DCC: variants seen among roughly 807,000 people sequenced by gnomAD.
DCC encodes the protein netrin receptor DCC.
Under a neutral mutation model 172.5 loss-of-function variants are expected in DCC, and 58 were observed. That is an observed-to-expected ratio of 0.34 (90% confidence interval 0.27 to 0.42). The LOEUF (loss-of-function observed/expected upper bound fraction) is 0.42. Among genes scored for constraint, DCC ranks in the 10% least tolerant of loss-of-function variants. DCC has a pLI of 1.00. For synonymous variants in DCC, 709 were observed against 644.5 expected (o/e 1.10, Z -1.52); for missense variants, 1,740 against 1,791.0 (o/e 0.97, Z 0.51).
chr18:53,526,731 G>T lies in DCC; in HGVS notation c.4226G>T (p.Ser1409Ile). The T allele has an allele frequency of 6.2e-7, 1 of 1,613,426 alleles. No individual in the cohort carries two copies. Among genetic ancestry groups the T allele is most frequent in the Non-Finnish European group, 8.5e-7 (1 of 1,179,636 alleles). The change falls in exon 28 of 29, where the codon AGC (serine) becomes ATC (isoleucine). Residue 1409 changes from serine (S) to isoleucine (I), a missense_variant. Transcript: ENST00000442544. ...ACAGCCCCTGAAGTGTCTGAGGAGA[G>T]CCACAAACCAACAGAGGATTCAGCC... ...VPTAPEVSEE[S>I]HKPTEDSANV...
chr18:52,613,760 G>A (rs1233659092), intron 1 of DCC, among the ~76,000 whole-genome samples: 1 of 152,014 alleles, frequency 6.6e-6, no homozygotes, highest in Non-Finnish European at 1.5e-5. Context: ...TTGTTATAGT[G>A]GTGAACTTTT....
At chr18:53,462,841 G>A (rs1391418884) in intron 24 of DCC, among the ~76,000 whole-genome samples, 3 of 152,152 alleles carry the variant, frequency 2.0e-5, no homozygotes, top group African/African-American at 7.2e-5. Context: ...CAAGGGGACT[G>A]AAGCCCAGCC....
intron 7 of DCC, among the ~76,000 whole-genome samples, chr18:53,136,416 A>G (rs2043743693): frequency 6.6e-6 from 1 of 152,152 alleles, no homozygotes; most frequent in Non-Finnish European, 1.5e-5. Context: ...GGAGATTTCT[A>G]AAGTATTGAG....
chr18:52,986,827 CAT>C (rs950037082), intron 5 of DCC, among the ~76,000 whole-genome samples: 4 of 128,294 alleles, frequency 3.1e-5, no homozygotes, highest in Admixed American at 1.5e-4. Context: ...CACACACACA[CAT>C]ATACATACAC....
At chr18:52,784,951 C>CAG (rs925218545) in intron 2 of DCC, among the ~76,000 whole-genome samples, 10 of 126,850 alleles carry the variant, frequency 7.9e-5, no homozygotes, top group African/African-American at 1.9e-4. Context: ...GAGAGAGAGA[C>CAG]AGAGAGAGAG....
intron 17 of DCC, among the ~76,000 whole-genome samples, 153 bp from the exon 18 acceptor site, chr18:53,397,155 A>G (rs753514368): frequency 1.5e-4 from 23 of 151,994 alleles, no homozygotes; most frequent in Non-Finnish European, 2.9e-4. Context: ...TGGTTAATAG[A>G]TGGGAATTCG....
At chr18:52,944,320 G>A (rs2040508035) in intron 5 of DCC, among the ~76,000 whole-genome samples, 4 of 152,176 alleles carry the variant, frequency 2.6e-5, no homozygotes, top group Admixed American at 2.6e-4. Context: ...TGTAGGAAAT[G>A]ATACTTCGAA....
At chr18:52,355,287 C>A (rs72914999) in intron 1 of DCC, among the ~76,000 whole-genome samples, 19,501 of 151,936 alleles carry the variant, frequency 0.13, 1,342 homozygotes, top group Middle Eastern at 0.17. Context: ...AGGACCTTGG[C>A]AGGTGTTTGA....
At chr18:53,308,738 G>A (rs935114447) in intron 13 of DCC, among the ~76,000 whole-genome samples, 2 of 152,114 alleles carry the variant, frequency 1.3e-5, no homozygotes, top group African/African-American at 4.8e-5. Context: ...TTGAAAAAAC[G>A]CAGTACGGCA....
intron 18 of DCC, among the ~76,000 whole-genome samples, chr18:53,402,314 C>T (rs1909350065): frequency 6.6e-6 from 1 of 151,474 alleles, no homozygotes; most frequent in Non-Finnish European, 1.5e-5. Context: ...CACTTGAGCC[C>T]AGGAGGTTGA....
intron 1 of DCC, among the ~76,000 whole-genome samples, chr18:52,623,308 T>C (rs563098429): frequency 6.6e-6 from 1 of 152,330 alleles, no homozygotes; most frequent in East Asian, 1.9e-4. Context: ...TCAGCAGAAC[T>C]TATCTTTCCC....
intron 1 of DCC, among the ~76,000 whole-genome samples, chr18:52,666,439 A>G (rs1008112078): frequency 2.6e-5 from 4 of 152,344 alleles, no homozygotes; most frequent in Non-Finnish European, 5.9e-5. Flanking sequence ...TGGTAAACAA[A>G]TAGCAGTACT....
chr18:53,385,584 G>C (rs1908102899), intron 15 of DCC, among the ~76,000 whole-genome samples: 1 of 152,188 alleles, frequency 6.6e-6, no homozygotes, highest in Non-Finnish European at 1.5e-5. Context: ...AGTTTTGAGT[G>C]TTTAAATTTG....
chr18:52,561,115 C>A (rs901930435), intron 1 of DCC, among the ~76,000 whole-genome samples: 2 of 151,454 alleles, frequency 1.3e-5, no homozygotes, highest in East Asian at 1.9e-4. Flanking sequence ...TTTTTAATTT[C>A]TTTATTGCCC....
At chr18:52,426,908 G>A (rs1292048413) in intron 1 of DCC, among the ~76,000 whole-genome samples, 1 of 152,082 alleles carries the variant, frequency 6.6e-6, no homozygotes, top group South Asian at 2.1e-4. Context: ...TACTTACAAG[G>A]TTTCAAGCAC....
intron 14 of DCC, among the ~76,000 whole-genome samples, chr18:53,327,477 G>T (rs1054619205): frequency 2.0e-5 from 3 of 151,910 alleles, no homozygotes; most frequent in Non-Finnish European, 4.4e-5. Context: ...GAGTGAAGAG[G>T]TGAAAATTGC....
At chr18:52,465,376 G>A (rs538586540) in intron 1 of DCC, among the ~76,000 whole-genome samples, 11 of 152,098 alleles carry the variant, frequency 7.2e-5, no homozygotes, top group African/African-American at 2.2e-4. Flanking sequence ...TTTTCTCCCC[G>A]TTTCTCTTGG....
intron 2 of DCC, among the ~76,000 whole-genome samples, chr18:52,845,482 T>TA (rs1452499135): frequency 6.6e-6 from 1 of 152,090 alleles, no homozygotes; most frequent in Non-Finnish European, 1.5e-5. Flanking sequence ...ATGATCCCAA[T>TA]AGCAATACAA....
chr18:52,461,305 C>T (rs1398601228), intron 1 of DCC, among the ~76,000 whole-genome samples: 2 of 152,162 alleles, frequency 1.3e-5, no homozygotes, highest in Non-Finnish European at 2.9e-5. Flanking sequence ...TGGAGCTGTC[C>T]TCTCCTGAGA....
Sources: allele counts gnomAD v4.1 joint callset (sites outside exome capture counted in the v4.1 genomes callset), GRCh38; gene constraint gnomAD v4.1.1; transcripts MANE v1.5; gene names NCBI Gene and HGNC (gene_info 2026-07-23, HGNC 2026-07-21).